CNTLN: variants seen among roughly 807,000 people sequenced by gnomAD.
CNTLN encodes centlein, centrosomal protein.
Under a neutral mutation model 180.0 loss-of-function variants are expected in CNTLN, and 212 were observed. The ratio of observed to expected loss-of-function variants is 1.18; its 90% confidence interval spans 1.05 to 1.32. CNTLN has a LOEUF of 1.32. Ranked by LOEUF, CNTLN falls within the 40% of genes most tolerant of loss-of-function variation. CNTLN has a pLI of 0.00. For synonymous variants in CNTLN, 722 were observed against 563.1 expected (o/e 1.28, Z -3.99); for missense variants, 2,095 against 1,610.9 (o/e 1.30, Z -5.14).
At chr9:17,256,427 A>G (rs950147839) in intron 5 of CNTLN, among the ~76,000 whole-genome samples, 2 of 151,878 alleles carry the variant, frequency 1.3e-5, no homozygotes, top group Non-Finnish European at 2.9e-5. Flanking sequence ...AACATCTGTT[A>G]TTTTTGACTG....
chr9:17,465,115 GT>G (rs892457786), intron 21 of CNTLN, among the ~76,000 whole-genome samples: 2 of 146,876 alleles, frequency 1.4e-5, no homozygotes, highest in African/African-American at 5.0e-5. Flanking sequence ...AAGTAGAAGG[GT>G]TTTTTTTGTT....
chr9:17,256,208 A>G (rs906078078), intron 5 of CNTLN, among the ~76,000 whole-genome samples: 5 of 151,934 alleles, frequency 3.3e-5, no homozygotes, highest in Admixed American at 2.6e-4. Context: ...GTTGTGATGC[A>G]TATACAAATA....
chr9:17,435,791 G>A (rs1829737577), intron 18 of CNTLN, among the ~76,000 whole-genome samples: 2 of 152,000 alleles, frequency 1.3e-5, no homozygotes, highest in Admixed American at 1.3e-4. Context: ...TGAAACACCC[G>A]ACCTCAGGTG....
chr9:17,145,110 G>A (rs1818366363), intron 2 of CNTLN, among the ~76,000 whole-genome samples: 1 of 149,934 alleles, frequency 6.7e-6, no homozygotes, highest in Non-Finnish European at 1.5e-5. Flanking sequence ...CAAAGTGCTG[G>A]GATTACAGGC....
chr9:17,301,024 G>A (rs1399814823), intron 7 of CNTLN: 2 of 984,914 alleles, frequency 2.0e-6, no homozygotes, highest in Admixed American at 1.2e-4. Context: ...AATAGTAGTA[G>A]AGGGAAATAT....
chr9:17,348,983 T>C (rs1052824264), intron 12 of CNTLN, among the ~76,000 whole-genome samples: 2 of 152,066 alleles, frequency 1.3e-5, no homozygotes, highest in African/African-American at 4.8e-5. Flanking sequence ...GAGTAGGCTT[T>C]CCTTGAAGCA....
chr9:17,318,962 A>C (rs935342405), intron 8 of CNTLN, among the ~76,000 whole-genome samples: 4 of 152,196 alleles, frequency 2.6e-5, no homozygotes, highest in Admixed American at 2.0e-4. Context: ...ACTGAACAAC[A>C]CCATTTATGT....
chr9:17,233,521 A>C (rs1396619351), intron 3 of CNTLN, among the ~76,000 whole-genome samples: 1 of 152,134 alleles, frequency 6.6e-6, no homozygotes, highest in Non-Finnish European at 1.5e-5. Flanking sequence ...CCATTACTAG[A>C]TTGCAGTCTG....
chr9:17,472,169 C>G (rs1057013255), intron 23 of CNTLN, among the ~76,000 whole-genome samples: 1 of 152,032 alleles, frequency 6.6e-6, no homozygotes, highest in Non-Finnish European at 1.5e-5. Context: ...TGTAGGCCAC[C>G]TAGTATTGCT....
the CNTLN span, among the ~76,000 whole-genome samples, chr9:17,515,846 A>C: frequency 2.6e-5 from 4 of 152,306 alleles, no homozygotes; most frequent in African/African-American, 9.6e-5. Flanking sequence ...TTTAAAACAC[A>C]TGAGACCATG....
chr9:17,448,569 T>G (rs1039745414), intron 18 of CNTLN: 2 of 152,282 alleles, frequency 1.3e-5, no homozygotes, highest in African/African-American at 2.4e-5. Flanking sequence ...TGCCACCTCA[T>G]AGAGCTCCCC....
At chr9:17,483,431 ACC>A (rs1832745996) in intron 23 of CNTLN, among the ~76,000 whole-genome samples, 1 of 152,194 alleles carries the variant, frequency 6.6e-6, no homozygotes, top group Admixed American at 6.5e-5. Flanking sequence ...AGTTATACAC[ACC>A]CTTTGATCCA....
chr9:17,212,928 A>G (rs899586816), intron 2 of CNTLN, among the ~76,000 whole-genome samples: 1 of 151,954 alleles, frequency 6.6e-6, no homozygotes, highest in Non-Finnish European at 1.5e-5. Flanking sequence ...TATTGCGTCT[A>G]TTTGATTCTT....
At chr9:17,353,193 C>T (rs1450061154) in intron 12 of CNTLN, among the ~76,000 whole-genome samples, 2 of 148,258 alleles carry the variant, frequency 1.3e-5, no homozygotes, top group African/African-American at 2.6e-5. Flanking sequence ...TGGCCTCAAG[C>T]GATCCTCCCA....
chr9:17,462,609 T>C (rs576027416), intron 19 of CNTLN, among the ~76,000 whole-genome samples: 1 of 151,826 alleles, frequency 6.6e-6, no homozygotes, highest in South Asian at 2.1e-4. Context: ...AAATTCTTAA[T>C]TATTCACATA....
intron 7 of CNTLN, 178 bp downstream of exon 7, chr9:17,298,530 T>G (rs1818116458): frequency 3.8e-6 from 5 of 1,299,822 alleles, no homozygotes; most frequent in Non-Finnish European, 4.9e-6. Context: ...TTTTTGAATT[T>G]TCTTTATGGT....
At chr9:17,297,729 C>T (rs1410088897) in intron 6 of CNTLN, among the ~76,000 whole-genome samples, 1 of 152,158 alleles carries the variant, frequency 6.6e-6, no homozygotes, top group Admixed American at 6.5e-5. Context: ...GGCAGTTGTG[C>T]TTTAAGGAAC....
At chr9:17,267,459 G>C (rs1393527438) in intron 5 of CNTLN, among the ~76,000 whole-genome samples, 1 of 152,004 alleles carries the variant, frequency 6.6e-6, no homozygotes, top group African/African-American at 2.4e-5. Flanking sequence ...TTTCTCTCTG[G>C]CTGCCCTTAA....
At chr9:17,447,020 T>C (rs1249349642) in intron 18 of CNTLN, 1 of 153,434 alleles carries the variant, frequency 6.5e-6, no homozygotes, top group African/African-American at 2.4e-5. Flanking sequence ...TTAAAATTTA[T>C]GAATGCGGTA....
Sources: allele counts gnomAD v4.1 joint callset (sites outside exome capture counted in the v4.1 genomes callset), GRCh38; gene constraint gnomAD v4.1.1; transcripts MANE v1.5; gene names NCBI Gene and HGNC (gene_info 2026-07-23, HGNC 2026-07-21).